The following KIF6 variants were observed in gnomAD, a reference collection of about 807,000 sequenced individuals.
KIF6 encodes the protein kinesin family member 6, also known as kinesin-like protein KIF6.
In KIF6, 106 loss-of-function variants were observed where a neutral mutation model predicts 112.7. The ratio of observed to expected loss-of-function variants is 0.94; its 90% confidence interval spans 0.80 to 1.11. KIF6 has a LOEUF of 1.11. Among genes scored for constraint, KIF6 ranks in the 50% least tolerant of loss-of-function variants. The pLI is 0.00. For missense variants in KIF6, 929 were observed against 964.0 expected (o/e 0.96, Z 0.48); for synonymous variants, 339 against 339.9 (o/e 1.00, Z 0.03).
intron 15 of KIF6, among the ~76,000 whole-genome samples, chr6:39,418,097 A>G (rs1221206206): frequency 6.6e-6 from 1 of 152,126 alleles, no homozygotes; most frequent in Non-Finnish European, 1.5e-5. Context: ...CACCTGAAGG[A>G]GATCAGCCTA....
intron 5 of KIF6, among the ~76,000 whole-genome samples, chr6:39,632,133 G>A (rs1784384037): frequency 6.6e-6 from 1 of 151,946 alleles, no homozygotes; most frequent in Non-Finnish European, 1.5e-5. Context: ...CAGTTTTATA[G>A]GCAAAAGTTC....
chr6:39,684,055 GGGAACACTCCAA>G (rs1409381403), intron 3 of KIF6, among the ~76,000 whole-genome samples: 1 of 152,178 alleles, frequency 6.6e-6, no homozygotes, highest in Non-Finnish European at 1.5e-5. Flanking sequence ...GTTATTGACT[GGGAACACTCCAA>G]GGAAGCCTGG....
chr6:39,537,680 A>T (rs376440106), intron 13 of KIF6, among the ~76,000 whole-genome samples: 24 of 152,146 alleles, frequency 1.6e-4, no homozygotes, highest in African/African-American at 4.6e-4. Flanking sequence ...CCCATCAAGC[A>T]ACCAATGACT....
At chr6:39,373,458 A>G (rs1038779051) in intron 16 of KIF6, among the ~76,000 whole-genome samples, 1 of 152,204 alleles carries the variant, frequency 6.6e-6, no homozygotes, top group African/African-American at 2.4e-5. Context: ...ACTTGAGTTT[A>G]TATATAGAAA....
rs776989498 is a variant in KIF6, at chr6:39,336,522, T to C, written c.*10A>G. 9 of 1,613,684 alleles carry C rather than the reference T, an allele frequency of 5.6e-6. No homozygotes were observed. The African/African-American group carries it at 1.1e-4, about 19-fold the overall frequency. On this transcript the variant is annotated 3_prime_UTR_variant, in exon 23 of 23. Transcript: ENST00000287152. ...CTGGCATAATTCATGGATGGATATT[T>C]CCTGGAAATTCAATTGCTTCCCAAA...
chr6:39,336,558 A>G lies in KIF6; in HGVS notation c.2429-10T>C. On this transcript the variant is annotated splice_polypyrimidine_tract_variant and intron_variant, in intron 22 of 22. Transcript: ENST00000287152. Reference sequence around the variant, plus strand: ...CAATTGCTTCCCAAACCTGAAAGGGAGACAGGATGCTTTTGGTTAGGCTGT... The same window carrying G: ...CAATTGCTTCCCAAACCTGAAAGGGGGACAGGATGCTTTTGGTTAGGCTGT... 6.2e-7 allele frequency: 1 copy of G among 1,613,848 alleles called. No individual in the cohort carries two copies. Among genetic ancestry groups the G allele is most frequent in the Non-Finnish European group, 8.5e-7 (1 of 1,179,794 alleles).
chr6:39,471,258 C>T (rs148914433), intron 13 of KIF6, among the ~76,000 whole-genome samples: 24 of 152,264 alleles, frequency 1.6e-4, no homozygotes, highest in Non-Finnish European at 2.5e-4. Flanking sequence ...GAACTCAGTA[C>T]GGCTGCATTT....
At chr6:39,667,514 T>C (rs981183172) in intron 3 of KIF6, among the ~76,000 whole-genome samples, 3 of 152,236 alleles carry the variant, frequency 2.0e-5, no homozygotes, top group East Asian at 1.9e-4. Flanking sequence ...GGAAACACCC[T>C]CACAGACACA....
intron 2 of KIF6, among the ~76,000 whole-genome samples, chr6:39,719,121 C>G (rs1790048038): frequency 6.6e-6 from 1 of 152,160 alleles, no homozygotes; most frequent in African/African-American, 2.4e-5. Flanking sequence ...AAGTTCGAGA[C>G]CAGCCTGGCC....
chr6:39,362,984 A>C (rs1224259379), intron 16 of KIF6, among the ~76,000 whole-genome samples: 1 of 152,142 alleles, frequency 6.6e-6, no homozygotes, highest in Non-Finnish European at 1.5e-5. Flanking sequence ...CCCCGTCTCT[A>C]CTAAAAATAC....
At chr6:39,440,418 A>G (rs1296695296) in intron 13 of KIF6, among the ~76,000 whole-genome samples, 1 of 152,186 alleles carries the variant, frequency 6.6e-6, no homozygotes, top group Non-Finnish European at 1.5e-5. Context: ...GCAGAGATCA[A>G]GTGTGTTTTT....
At chr6:39,629,834 C>G (rs1426490850) in intron 5 of KIF6, among the ~76,000 whole-genome samples, 1 of 152,030 alleles carries the variant, frequency 6.6e-6, no homozygotes, top group Admixed American at 6.6e-5. Context: ...ACATTCTGGT[C>G]TATGACTCAT....
In KIF6 at chr6:39,601,546, ATAT is replaced by A. The variant is rs141088445; in HGVS notation, c.640-5289_640-5287del. Among the ~76,000 whole-genome samples the A allele has an allele frequency of 0.013, 2,011 of 152,118 alleles. 238 individuals carry two copies. The East Asian group carries it at 0.29, about 22-fold the overall frequency. ...TGGTACTCTGGCACTTGAATTGAATATATTATTATTTCAAAAGTAGCCTAACCA... is the reference window on the plus strand; with the variant it reads ...TGGTACTCTGGCACTTGAATTGAATATATTATTTCAAAAGTAGCCTAACCA... On this transcript the variant is annotated intron_variant, in intron 6 of 22. Coordinates refer to ENST00000287152, the MANE Select transcript of KIF6 (RefSeq NM_145027.6).
intron 13 of KIF6, among the ~76,000 whole-genome samples, chr6:39,530,937 A>G (rs1778020687): frequency 6.6e-6 from 1 of 152,188 alleles, no homozygotes; most frequent in Non-Finnish European, 1.5e-5. Context: ...CTAGAATCTT[A>G]AATATTGTAA....
intron 15 of KIF6, among the ~76,000 whole-genome samples, chr6:39,414,381 C>T (rs188169661): frequency 6.6e-6 from 1 of 152,354 alleles, no homozygotes; most frequent in East Asian, 1.9e-4. Flanking sequence ...AACCCTTCAA[C>T]TCTATTCTCC....
At chr6:39,496,442 A>T (rs563245936) in intron 13 of KIF6, among the ~76,000 whole-genome samples, 2 of 152,184 alleles carry the variant, frequency 1.3e-5, no homozygotes, top group East Asian at 3.9e-4. Flanking sequence ...CACATTGAAG[A>T]CTCACAGTAC....
chr6:39,607,897 A>T (rs1782980913), intron 6 of KIF6, among the ~76,000 whole-genome samples: 1 of 152,208 alleles, frequency 6.6e-6, no homozygotes, highest in African/African-American at 2.4e-5. Flanking sequence ...CCCTTTAATG[A>T]TTTTGGAACT....
At chr6:39,357,231 A>G (rs1241476071) in intron 19 of KIF6, 46 bp downstream of exon 19, 2 of 1,199,150 alleles carry the variant, frequency 1.7e-6, no homozygotes, top group African/African-American at 3.1e-5. Flanking sequence ...AAAGGTAGGG[A>G]GCCTTTTCTG....
intron 3 of KIF6, among the ~76,000 whole-genome samples, chr6:39,652,074 G>A (rs922429110): frequency 6.6e-6 from 1 of 152,126 alleles, no homozygotes; most frequent in Non-Finnish European, 1.5e-5. Context: ...CACACGAGGA[G>A]TCTTCTAGGG....
Sources: gnomAD v4.1 joint callset for allele counts (sites outside exome capture counted in the v4.1 genomes callset) on GRCh38, gnomAD v4.1.1 for gene constraint, MANE v1.5 for transcripts, NCBI Gene and HGNC (gene_info 2026-07-23, HGNC 2026-07-21) for gene names.